The following TUBB8 variants were observed in gnomAD, a reference collection of about 807,000 sequenced individuals.
TUBB8 encodes the protein tubulin beta-8 chain.
TUBB8 carries 25 observed loss-of-function variants against 33.7 expected under a neutral mutation model. The observed-to-expected ratio is 0.74, with a 90% CI of 0.54 to 1.04. The LOEUF (loss-of-function observed/expected upper bound fraction) is 1.04. Ranked by LOEUF, TUBB8 falls within the 50% of genes least tolerant of loss-of-function variation. TUBB8 has a pLI of 0.00. For missense variants in TUBB8, 279 were observed against 608.0 expected, an observed-to-expected ratio of 0.46 and a Z score of 5.69; for synonymous variants, 245 against 240.1, an observed-to-expected ratio of 1.02 and a Z score of -0.19.
At chr10:69,501 C>T (rs1406826558) in intron 1 of TUBB8, among the ~76,000 whole-genome samples, 7 of 152,140 alleles carry the variant, frequency 4.6e-5, no homozygotes, top group Admixed American at 1.3e-4. Flanking sequence ...AAGAATCACC[C>T]GCAATTTGTA....
chr10:52,798 T>C (rs112842890), upstream of TUBB8, among the ~76,000 whole-genome samples: 3 of 152,236 alleles, frequency 2.0e-5, no homozygotes, highest in African/African-American at 7.2e-5. Context: ...ACCATAGGTA[T>C]TAACCTTCTA....
rs1554739022 is a variant in TUBB8 at position 49,168 on chromosome 10, C to T, written c.57+14G>A. The T allele has an allele frequency of 6.4e-7, 1 of 1,564,518 alleles. No individual in the cohort carries two copies. Among genetic ancestry groups the T allele is most frequent in the South Asian group, 1.2e-5 (1 of 85,450 alleles). ...GCAGGCCCGGGCTAGGCCCTCAGAG[C>T]CCCGGCTGCCAACCTTGGCGCCGAT... On this transcript the variant is annotated intron_variant, in intron 1 of 3. Transcript: ENST00000568584.
intron 1 of TUBB8, among the ~76,000 whole-genome samples, chr10:64,975 T>TAAAAAAAAAAAAAAAAAAAAA (rs61340461): frequency 2.5e-5 from 3 of 118,560 alleles, no homozygotes; most frequent in Admixed American, 9.0e-5. Context: ...CCATCTCCAC[T>TAAAAAAAAAAAAAAAAAAAAA]AAAAAAAAAA....
At chr10:59,181 A>G (rs1310262255) in intron 1 of TUBB8, among the ~76,000 whole-genome samples, 1 of 152,164 alleles carries the variant, frequency 6.6e-6, no homozygotes, top group Non-Finnish European at 1.5e-5. Flanking sequence ...GGAAATGATT[A>G]CATGGATTTT....
At chr10:74,948 C>T (rs1834791544), upstream of TUBB8, among the ~76,000 whole-genome samples, 1 of 147,930 alleles carries the variant, frequency 6.8e-6, no homozygotes, top group East Asian at 2.1e-4. Context: ...GATCTTGGCT[C>T]ACTGCAACCT....
chr10:47,192 G>A lies in TUBB8; in HGVS notation c.1200C>T (p.Gly400=), dbSNP rs782464508. The change falls in exon 4 of 4, where the codon GGC becomes GGT. Residue 400 remains glycine, a synonymous_variant. Coordinates refer to ENST00000568584, the MANE Select transcript of TUBB8 (RefSeq NM_177987.3). ...TGAATTCCATCTCATCCATGCCCTCGCCCGTGTACCAGTGGAGGAAGGCCT... is the reference window on the plus strand; with the variant it reads ...TGAATTCCATCTCATCCATGCCCTCACCCGTGTACCAGTGGAGGAAGGCCT... ...RRKAFLHWYT[G]EGMDEMEFTE... is the part of the protein sequence containing the mutation. 36 of 1,611,368 alleles carry A rather than the reference G, an allele frequency of 2.2e-5. No homozygotes were observed. Among genetic ancestry groups the A allele is most frequent in the Admixed American group, 6.7e-5 (4 of 59,928 alleles).
At position 47,579 on chromosome 10, in the gene TUBB8, G is replaced by T; in HGVS notation, c.813C>A (p.Ala271=). Residue 271 remains alanine (A), a synonymous_variant, in exon 4 of 4, where the codon GCC becomes GCA. Transcript: ENST00000568584. ...GCTGGCTGCCCCGGCTGGTCAGTGG[G>T]GCAAAGCCGGGCATGAAGAAATGCA... ...PRLHFFMPGF[A]PLTSRGSQQY... is the part of the protein sequence containing the mutation. 4 of 1,611,232 alleles carry T rather than the reference G, an allele frequency of 2.5e-6. No individual in the cohort carries two copies. In the Admixed American group the frequency reaches 6.7e-5, roughly 27 times the overall value.
intron 1 of TUBB8, among the ~76,000 whole-genome samples, chr10:69,305 TG>T (rs1554742020): frequency 3.3e-5 from 5 of 152,324 alleles, no homozygotes; most frequent in African/African-American, 1.2e-4. Context: ...AGCAGCCTCC[TG>T]GGTGTCTCGA....
At chr10:75,831 A>C (rs1834806060), upstream of TUBB8, among the ~76,000 whole-genome samples, 1 of 151,920 alleles carries the variant, frequency 6.6e-6, no homozygotes, top group South Asian at 2.1e-4. Flanking sequence ...CTACGTTAAC[A>C]AATAAGCCTT....
chr10:63,921 C>T (rs1475367504), intron 1 of TUBB8, among the ~76,000 whole-genome samples: 6 of 151,972 alleles, frequency 3.9e-5, no homozygotes, highest in African/African-American at 1.5e-4. Flanking sequence ...CTTGTTGGTG[C>T]CCATTATTTT....
downstream of TUBB8, among the ~76,000 whole-genome samples, chr10:46,604 A>C (rs1554737814): frequency 6.9e-6 from 1 of 144,904 alleles, no homozygotes. Context: ...AACGTTCCAG[A>C]AACATGGCCA....
chr10:71,336 A>G (rs1438218464), intron 1 of TUBB8, among the ~76,000 whole-genome samples: 1 of 151,760 alleles, frequency 6.6e-6, no homozygotes, highest in Non-Finnish European at 1.5e-5. Flanking sequence ...AAAAGAAAAA[A>G]GAAAAATACC....
At chr10:49,687 C>T (rs566153316), upstream of TUBB8, 2 of 424,224 alleles carry the variant, frequency 4.7e-6, no homozygotes, top group Non-Finnish European at 9.4e-6. Flanking sequence ...TAGGAAAGGC[C>T]TTCCACATGT....
At chr10:54,605 T>C (rs1458004118) in intron 1 of TUBB8, among the ~76,000 whole-genome samples, 1 of 152,266 alleles carries the variant, frequency 6.6e-6, no homozygotes, top group African/African-American at 2.4e-5. Flanking sequence ...TTTATTTGCC[T>C]ATTTGCCACT....
At chr10:63,690 C>G (rs1183424270) in intron 1 of TUBB8, among the ~76,000 whole-genome samples, 1 of 152,106 alleles carries the variant, frequency 6.6e-6, no homozygotes, top group African/African-American at 2.4e-5. Context: ...TGAATTCCTT[C>G]TCTGTGTTAT....
chr10:59,620 T>C (rs1350945581), intron 1 of TUBB8, among the ~76,000 whole-genome samples: 7 of 152,342 alleles, frequency 4.6e-5, no homozygotes, highest in African/African-American at 1.7e-4. Context: ...ATTTACTAGG[T>C]TTTTTGCAAA....
chr10:51,654 T>C (rs531240613), upstream of TUBB8, among the ~76,000 whole-genome samples: 1 of 151,898 alleles, frequency 6.6e-6, no homozygotes, highest in Non-Finnish European at 1.5e-5. Context: ...TAGCTGGGTT[T>C]ATGGCTTGGC....
chr10:62,486 T>C (rs1411859457), intron 1 of TUBB8, among the ~76,000 whole-genome samples: 1 of 152,242 alleles, frequency 6.6e-6, no homozygotes, highest in Admixed American at 6.5e-5. Flanking sequence ...TAGTTATTTT[T>C]TACTGGTTTA....
Position 48,655 on chromosome 10 carries a change from C to G in TUBB8, c.237G>C (p.Gly79=), listed in dbSNP as rs781931730. The stretch of plus-strand genomic sequence containing the variant: ...CTGGCCTGAAGACCTGCCCGAAGGG[C>G]CCCGAGCGCACAGAGTCCATGGTGC... ...EPGTMDSVRS[G]PFGQVFRPDN... Residue 79 remains glycine, a synonymous_variant, in exon 3 of 4, where the codon GGG becomes GGC. Transcript: ENST00000568584. The G allele has an allele frequency of 6.2e-7, 1 of 1,612,226 alleles. No homozygotes were observed. Among genetic ancestry groups the G allele is most frequent in the Non-Finnish European group, 8.5e-7 (1 of 1,179,856 alleles).
Sources: allele counts gnomAD v4.1 joint callset (sites outside exome capture counted in the v4.1 genomes callset), GRCh38; gene constraint gnomAD v4.1.1; transcripts MANE v1.5; gene names NCBI Gene and HGNC (gene_info 2026-07-23, HGNC 2026-07-21).